MICALL1: variants seen among roughly 807,000 people sequenced by gnomAD.
The protein encoded by MICALL1 is MICAL like 1, also known as MICAL-like protein 1.
In MICALL1, 61 loss-of-function variants were observed where a neutral mutation model predicts 83.7. The observed-to-expected ratio is 0.73, with a 90% confidence interval of 0.59 to 0.90. MICALL1 has a LOEUF of 0.90. Among genes scored for constraint, MICALL1 ranks in the 40% least tolerant of loss-of-function variants. The pLI, the probability that MICALL1 is intolerant of heterozygous loss-of-function variation, is 0.00. For synonymous variants in MICALL1, 481 were observed against 473.6 expected (o/e 1.02, Z -0.20); for missense variants, 1,066 against 1,152.0 (o/e 0.93, Z 1.08).
At chr22:37,934,023 G>T (rs1447127570) in intron 13 of MICALL1, among the ~76,000 whole-genome samples, 1 of 152,218 alleles carries the variant, frequency 6.6e-6, no homozygotes, top group South Asian at 2.1e-4. Flanking sequence ...CCACTGCCTT[G>T]TGTGAGTCAC....
rs939056896 is a variant in MICALL1, at chr22:37,912,673, CT to C, written c.337+192del. Among the ~76,000 whole-genome samples the C allele has an allele frequency of 4.6e-4, 67 of 145,668 alleles. No homozygotes were observed. In the South Asian group the frequency reaches 5.3e-3, roughly 11 times the overall value. The stretch of plus-strand genomic sequence containing the variant: ...TTTTTTTTTGAGACAGAGTTTCGCT[CT>C]TTTTTTTTTTGAGATGGAGTCTTGC... On this transcript the variant is annotated intron_variant, in intron 3 of 15. Coordinates refer to ENST00000215957, the MANE Select transcript of MICALL1 (RefSeq NM_033386.4).
At chr22:37,908,270 G>C (rs1340589865) in intron 1 of MICALL1, among the ~76,000 whole-genome samples, 1 of 151,476 alleles carries the variant, frequency 6.6e-6, no homozygotes, top group Non-Finnish European at 1.5e-5. Flanking sequence ...ATTAGTTACT[G>C]TGAGTAACTA....
intron 13 of MICALL1, among the ~76,000 whole-genome samples, chr22:37,935,074 A>C (rs1219053354): frequency 1.3e-5 from 2 of 149,202 alleles, no homozygotes; most frequent in African/African-American, 5.0e-5. Flanking sequence ...CTGGGACTAC[A>C]GGCACCTGCC....
At chr22:37,909,050 T>TTTTTTG (rs201292317) in intron 1 of MICALL1, among the ~76,000 whole-genome samples, 6 of 151,984 alleles carry the variant, frequency 3.9e-5, no homozygotes, top group Non-Finnish European at 8.8e-5. Flanking sequence ...ATGCAGGGTT[T>TTTTTTG]TTTTTGTTTT....
chr22:37,906,643 A>C lies in MICALL1; in HGVS notation c.146+75A>C. On this transcript the variant is annotated intron_variant, in intron 1 of 15. Transcript: ENST00000215957. The surrounding 1 kb of genome is among the most constrained non-coding windows in gnomAD (Gnocchi z 4.4). ...GCGACCGCCGCCCCCCCTCAGTAAC[A>C]CGAAGCCCGGGCGGTGACAGGCGCC... 9.0e-7 allele frequency: 1 copy of C among 1,114,658 alleles called. No homozygotes were observed. Among genetic ancestry groups the C allele is most frequent in the South Asian group, 4.3e-5 (1 of 23,160 alleles). 69.0% of individuals were successfully genotyped at this position (1,114,658 alleles called of 1,614,324 possible). A position where few individuals can be genotyped will look rare whatever the true frequency, so the allele number is the denominator to read the frequency against.
At position 37,933,029 on chromosome 22, in the gene MICALL1, C is replaced by T; in HGVS notation, c.2235-10C>T. The stretch of plus-strand genomic sequence containing the variant: ...AGAATTGTTAAGAGTCACCTTATTC[C>T]CACCCCTAGCTTCAAGCAGCAGAAC... On this transcript the variant is annotated splice_polypyrimidine_tract_variant and intron_variant, in intron 12 of 15. Transcript: ENST00000215957. 1 of 1,613,996 alleles carries T rather than the reference C, an allele frequency of 6.2e-7. No homozygotes were observed. Among genetic ancestry groups the T allele is most frequent in the East Asian group, 2.2e-5 (1 of 44,862 alleles).
chr22:37,919,528 C>G (rs571047578), intron 5 of MICALL1, among the ~76,000 whole-genome samples: 2 of 150,278 alleles, frequency 1.3e-5, no homozygotes, highest in Non-Finnish European at 2.9e-5. Context: ...CCCAGCTACT[C>G]GAGAGGCTGA....
In MICALL1 at chr22:37,937,102, C is replaced by T; in HGVS notation, c.2331C>T (p.Asp777=). 1.3e-6 allele frequency: 2 copies of T among 1,551,612 alleles called. No homozygotes were observed. Among genetic ancestry groups the T allele is most frequent in the Non-Finnish European group, 8.7e-7 (1 of 1,146,966 alleles). The change falls in exon 14 of 16, where the codon GAC becomes GAT. Residue 777 remains aspartate (D), a synonymous_variant. Transcript: ENST00000215957. ...NKPEKDWTEE[D]RAREKVLMQE... ...CAGAAAAGGACTGGACGGAGGAGGACCGGGCCCGGGAGAAGGTGCTGATGC... is the reference window on the plus strand; with the variant it reads ...CAGAAAAGGACTGGACGGAGGAGGATCGGGCCCGGGAGAAGGTGCTGATGC...
At chr22:37,936,838 G>A (rs1183702630) in intron 13 of MICALL1, among the ~76,000 whole-genome samples, 1 of 151,726 alleles carries the variant, frequency 6.6e-6, no homozygotes, top group Non-Finnish European at 1.5e-5. Context: ...CCTGCAGTGA[G>A]CCAAGATCAC....
At position 37,927,833 on chromosome 22, in the gene MICALL1, G is replaced by A. The variant is rs1234225311; in HGVS notation, c.1881+7G>A. ...CCCACAGCTGCAGGTAAAGGTGAGT[G>A]CCCCCTCACCCTCACTAAAAGTGAC... On this transcript the variant is annotated splice_region_variant and intron_variant, in intron 9 of 15. Transcript: ENST00000215957. 6.3e-7 allele frequency: 1 copy of A among 1,598,442 alleles called. No homozygotes were observed. The highest frequency in any genetic ancestry group is 1.1e-5 in the South Asian group (1 of 89,750).
chr22:37,922,242 C>G lies in MICALL1; in HGVS notation c.840C>G (p.Ile280Met). 1 of 1,599,766 alleles carries G rather than the reference C, an allele frequency of 6.3e-7. No homozygotes were observed. Among genetic ancestry groups the G allele is most frequent in the Non-Finnish European group, 8.5e-7 (1 of 1,173,736 alleles). The change falls in exon 6 of 16, where the codon ATC becomes ATG. Residue 280 changes from isoleucine (I) to methionine (M), a missense_variant. Physicochemically the swap from Ile to Met is conservative, Grantham distance 10. Transcript: ENST00000215957. ...PKASPEARPQIPTKPRVPGKL... is the reference protein window; with the variant it reads ...PKASPEARPQMPTKPRVPGKL... Reference sequence around the variant, plus strand: ...CCAGCCCTGAGGCCCGGCCGCAGATCCCTACCAAGCCCCGGGTTCCTGGCA... The same window carrying G: ...CCAGCCCTGAGGCCCGGCCGCAGATGCCTACCAAGCCCCGGGTTCCTGGCA...
At chr22:37,910,567 A>G (rs933644215) in intron 1 of MICALL1, among the ~76,000 whole-genome samples, 1 of 152,120 alleles carries the variant, frequency 6.6e-6, no homozygotes, top group Non-Finnish European at 1.5e-5. Context: ...CCCAGGGGAG[A>G]AGGAAGTGGC....
rs1929724313 is a variant in MICALL1 at position 37,930,389 on chromosome 22, C to T, written c.1882-1410C>T. The stretch of plus-strand genomic sequence containing the variant: ...CCCTGTGGGAGCCAAGCCCTGGCTT[C>T]TTGCTGTGCCCAGACCTGGGCCCCA... On this transcript the variant is annotated intron_variant, in intron 9 of 15. Coordinates refer to ENST00000215957, the MANE Select transcript of MICALL1 (RefSeq NM_033386.4). The surrounding 1 kb of genome is among the most constrained non-coding windows in gnomAD (Gnocchi z 4.8). Among the ~76,000 whole-genome samples, 1 of 152,176 alleles carries T rather than the reference C, an allele frequency of 6.6e-6. No individual in the cohort carries two copies. Among genetic ancestry groups the T allele is most frequent in the Admixed American group, 6.5e-5 (1 of 15,286 alleles).
chr22:37,922,781 GTTTTGTTTTT>G lies in MICALL1; in HGVS notation c.1024+370_1024+379del, dbSNP rs1181089725. On this transcript the variant is annotated intron_variant, in intron 6 of 15. Coordinates refer to ENST00000215957, the MANE Select transcript of MICALL1 (RefSeq NM_033386.4). ...TGCGCCACCATGCCCAGCTAATTTT[GTTTTGTTTTT>G]TTTTGTTTTTTTTTTTTTTTTTTTT... Among the ~76,000 whole-genome samples the G allele has an allele frequency of 5.2e-3, 432 of 82,716 alleles. 1 individual carries two copies. The highest frequency in any genetic ancestry group is 0.019 in the African/African-American group (404 of 21,568). 54.3% of individuals were successfully genotyped at this position (82,716 alleles called of 152,430 possible).
At chr22:37,933,224 C>A in intron 13 of MICALL1, 112 bp downstream of exon 13, 1 of 1,120,340 alleles carries the variant, frequency 8.9e-7, no homozygotes, top group Non-Finnish European at 1.3e-6. Flanking sequence ...AGACTGGGGA[C>A]AGGGCCAGAG....
intron 7 of MICALL1, among the ~76,000 whole-genome samples, chr22:37,925,221 C>A (rs1218991662): frequency 2.0e-5 from 3 of 152,134 alleles, no homozygotes; most frequent in African/African-American, 7.2e-5. Context: ...CAGTTGTTAA[C>A]GTTTACTGAG....
intron 15 of MICALL1, among the ~76,000 whole-genome samples, chr22:37,939,367 G>A (rs556948737): frequency 2.0e-5 from 3 of 152,214 alleles, no homozygotes; most frequent in African/African-American, 2.4e-5. Context: ...CATTTTCCTT[G>A]TCTATAAAAT....
chr22:37,919,946 C>T (rs1928921100), intron 5 of MICALL1, among the ~76,000 whole-genome samples: 1 of 150,972 alleles, frequency 6.6e-6, no homozygotes, highest in African/African-American at 2.4e-5. Context: ...GAGATCGCAC[C>T]TTTGCACTCC....
At chr22:37,908,653 T>C (rs1928119439) in intron 1 of MICALL1, among the ~76,000 whole-genome samples, 1 of 152,184 alleles carries the variant, frequency 6.6e-6, no homozygotes, top group South Asian at 2.1e-4. Flanking sequence ...TAGAGTCATA[T>C]TGCTCTGTGC....
Sources: gnomAD v4.1 joint callset for allele counts (sites outside exome capture counted in the v4.1 genomes callset) on GRCh38, gnomAD v4.1.1 for gene constraint, Gnocchi (gnomAD v3.1) non-coding constraint, MANE v1.5 for transcripts, NCBI Gene and HGNC (gene_info 2026-07-23, HGNC 2026-07-21) for gene names.